The following PTGES3L variants were observed in gnomAD, a reference collection of about 807,000 sequenced individuals.
The protein encoded by PTGES3L is prostaglandin E synthase 3 like, also known as putative protein PTGES3L.
In PTGES3L, 17 loss-of-function variants were observed where a neutral mutation model predicts 25.0. The ratio of observed to expected loss-of-function variants is 0.68; its 90% CI spans 0.47 to 1.02. The LOEUF (loss-of-function observed/expected upper bound fraction) is 1.02. Among genes scored for constraint, PTGES3L ranks in the 50% least tolerant of loss-of-function variants. The pLI is 0.00. For missense variants in PTGES3L, 202 were observed against 197.5 expected (o/e 1.02, Z -0.14); for synonymous variants, 59 against 65.7 (o/e 0.90, Z 0.50).
At chr17:42,971,468 A>G (rs2049835250) in intron 5 of PTGES3L, 139 bp downstream of exon 5, 2 of 756,666 alleles carry the variant, frequency 2.6e-6, no homozygotes, top group Non-Finnish European at 2.1e-6. Flanking sequence ...TACGTAAAGA[A>G]TATCAGCATC....
At chr17:42,973,554 C>T (rs926643746) in intron 4 of PTGES3L, among the ~76,000 whole-genome samples, 8 of 151,870 alleles carry the variant, frequency 5.3e-5, no homozygotes, top group Admixed American at 5.3e-4. Context: ...AATAGAAAGG[C>T]GGAAAAGGTG....
chr17:42,975,155 A>AG (rs1567724141), intron 4 of PTGES3L, among the ~76,000 whole-genome samples: 2 of 151,342 alleles, frequency 1.3e-5, no homozygotes, highest in Non-Finnish European at 2.9e-5. Context: ...AAAAAAAAAA[A>AG]AGGTCAACAC....
chr17:42,978,530 G>A (rs1708877), intron 4 of PTGES3L, among the ~76,000 whole-genome samples: 142,535 of 152,236 alleles, frequency 0.94, 67,452 homozygotes, highest in East Asian at 1. Flanking sequence ...CACCTACAAC[G>A]AAAGTAAGTT....
rs1231365021 is a variant in PTGES3L, at chr17:42,968,810, A to T, written c.*338T>A. On this transcript the variant is annotated 3_prime_UTR_variant, in exon 7 of 7. Coordinates refer to ENST00000591916, the MANE Select transcript of PTGES3L (RefSeq NM_001261430.2). ...ATGCACACATAGTAGAGATTTCTAT[A>T]ATCTGCATTCTTCTTTGGCTTTTGT... 5 of 255,668 alleles carry T rather than the reference A, an allele frequency of 2.0e-5. No homozygotes were observed. Among genetic ancestry groups the T allele is most frequent in the Non-Finnish European group, 3.7e-5 (5 of 135,046 alleles). The allele number at this position is 255,668 out of a possible 1,614,324, so 15.8% of individuals were successfully genotyped here. A position where few individuals can be genotyped will look rare whatever the true frequency, so the allele number is the denominator to read the frequency against.
intron 5 of PTGES3L, 109 bp downstream of exon 5, chr17:42,971,498 G>T: frequency 8.4e-7 from 1 of 1,185,914 alleles, no homozygotes; most frequent in South Asian, 1.4e-5. Context: ...CCTGCCTAGA[G>T]AGCTTGCATA....
Position 42,971,600 on chromosome 17 carries a change from C to T in PTGES3L, c.378+7G>A, listed in dbSNP as rs773604386. 4 of 1,612,706 alleles carry T rather than the reference C, an allele frequency of 2.5e-6. No homozygotes were observed. Among genetic ancestry groups the T allele is most frequent in the Non-Finnish European group, 3.4e-6 (4 of 1,178,864 alleles). ...GTGGGCAGAACACAGTAGGTGTTGT[C>T]TCTCACCTCTGCATAATGTTCCACA... On this transcript the variant is annotated splice_region_variant and intron_variant, in intron 5 of 6. Coordinates refer to ENST00000591916, the MANE Select transcript of PTGES3L (RefSeq NM_001261430.2).
At chr17:42,971,011 C>T (rs1189851395) in intron 5 of PTGES3L, among the ~76,000 whole-genome samples, 3 of 151,826 alleles carry the variant, frequency 2.0e-5, no homozygotes, top group Admixed American at 2.0e-4. Flanking sequence ...GAAAACCACA[C>T]ACACAGGCCA....
At chr17:42,971,782 G>A (rs900669928) in intron 4 of PTGES3L, 86 bp from the exon 5 acceptor site, 211 of 1,425,580 alleles carry the variant, frequency 1.5e-4, no homozygotes, top group Non-Finnish European at 2.0e-4. Flanking sequence ...ATGGGAGCAC[G>A]CCTGGGGAAA....
At chr17:42,970,698 A>G (rs2049820258) in intron 5 of PTGES3L, among the ~76,000 whole-genome samples, 2 of 151,108 alleles carry the variant, frequency 1.3e-5, no homozygotes, top group Non-Finnish European at 2.9e-5. Flanking sequence ...ACACACACAC[A>G]CACACACACA....
chr17:42,971,745 A>ACT, intron 4 of PTGES3L, 49 bp from the exon 5 acceptor site: 1 of 1,603,264 alleles, frequency 6.2e-7, no homozygotes, highest in South Asian at 1.1e-5. Context: ...CAGGAGCAGG[A>ACT]GTGTGTGGGA....
intron 1 of PTGES3L, 141 bp from the exon 2 acceptor site, chr17:42,979,804 G>A: frequency 1.4e-6 from 2 of 1,421,456 alleles, no homozygotes; most frequent in Non-Finnish European, 1.9e-6. Context: ...GAAAGGGAAG[G>A]GAATGACAGG....
At chr17:42,977,645 GAGA>G (rs1178897838) in intron 4 of PTGES3L, among the ~76,000 whole-genome samples, 94 of 145,002 alleles carry the variant, frequency 6.5e-4, no homozygotes, top group Non-Finnish European at 1.2e-3. Context: ...AAGAAAGAGA[GAGA>G]GGGGGAGGGA....
intron 4 of PTGES3L, among the ~76,000 whole-genome samples, chr17:42,976,708 T>C (rs1306821230): frequency 2.0e-5 from 3 of 152,164 alleles, no homozygotes; most frequent in Non-Finnish European, 4.4e-5. Context: ...CTGTAAAGAT[T>C]AAAACAAATC....
intron 4 of PTGES3L, among the ~76,000 whole-genome samples, chr17:42,975,231 GA>G (rs2049933717): frequency 6.6e-6 from 1 of 151,606 alleles, no homozygotes; most frequent in Non-Finnish European, 1.5e-5. Context: ...AATACAGTGT[GA>G]AAAGTGTGGT....
At chr17:42,975,671 T>C (rs909055684) in intron 4 of PTGES3L, among the ~76,000 whole-genome samples, 1 of 151,910 alleles carries the variant, frequency 6.6e-6, no homozygotes, top group Non-Finnish European at 1.5e-5. Flanking sequence ...GATTCTCTCA[T>C]TTTTCTTTTT....
chr17:42,970,676 GCACACACA>G lies in PTGES3L; in HGVS notation c.379-342_379-335del, dbSNP rs57542042. 5.1e-3 allele frequency among the ~76,000 whole-genome samples: 729 copies of G among 144,174 alleles called. 2 individuals are homozygous for G. Among genetic ancestry groups the G allele is most frequent in the Admixed American group, 9.5e-3 (136 of 14,318 alleles). 94.6% of individuals were successfully genotyped at this position (144,174 alleles called of 152,430 possible). ...CATGAAGTTGTCTGGCTTAACACGC[GCACACACA>G]CACACACACACACACACACACACAC... is the stretch of plus-strand genomic sequence containing the variant. On this transcript the variant is annotated intron_variant, in intron 5 of 6. Coordinates refer to ENST00000591916, the MANE Select transcript of PTGES3L (RefSeq NM_001261430.2).
chr17:42,973,222 G>T (rs9675153), intron 4 of PTGES3L, among the ~76,000 whole-genome samples: 1 of 8,140 alleles, frequency 1.2e-4, no homozygotes, highest in African/African-American at 4.9e-4. Context: ...CCGGCCAGCC[G>T]CCCCGTCCGG....
At chr17:42,974,053 A>C (rs531113012) in intron 4 of PTGES3L, among the ~76,000 whole-genome samples, 1 of 152,236 alleles carries the variant, frequency 6.6e-6, no homozygotes, top group East Asian at 1.9e-4. Flanking sequence ...CATAGGAGTC[A>C]ACCAATAAGA....
At chr17:42,980,080 T>TA, upstream of PTGES3L, 6 of 1,551,556 alleles carry the variant, frequency 3.9e-6, no homozygotes, top group Non-Finnish European at 5.2e-6. Context: ...GGGTGGCATT[T>TA]AGAGTTCCAG....
Sources: allele counts gnomAD v4.1 joint callset (sites outside exome capture counted in the v4.1 genomes callset), GRCh38; gene constraint gnomAD v4.1.1; transcripts MANE v1.5; gene names NCBI Gene and HGNC (gene_info 2026-07-23, HGNC 2026-07-21).